Variants in CFAP61 observed in about 807,000 individuals in gnomAD.
The protein encoded by CFAP61 is cilia- and flagella-associated protein 61.
Under a neutral mutation model 135.6 loss-of-function variants are expected in CFAP61, and 107 were observed. The ratio of observed to expected loss-of-function variants is 0.79; its 90% CI spans 0.67 to 0.93. CFAP61 has a LOEUF of 0.93. CFAP61 is among the 40% of genes least tolerant of loss of function. CFAP61 has a pLI of 0.00. For missense variants in CFAP61, 1,507 were observed against 1,556.2 expected (o/e 0.97, Z 0.53); for synonymous variants, 575 against 578.5 (o/e 0.99, Z 0.09).
In CFAP61 at chr20:20,288,737, A is replaced by T. The variant is rs779696494; in HGVS notation, c.2925A>T (p.Arg975Ser). 6.2e-7 allele frequency: 1 copy of T among 1,613,710 alleles called. No individual in the cohort carries two copies. The highest frequency in any genetic ancestry group is 8.5e-7 in the Non-Finnish European group (1 of 1,179,576). ...TNFHTNDIAI[R>S]AAGSLTKFSN... is the part of the protein sequence containing the mutation. Reference sequence around the variant, plus strand: ...TCCACACCAACGACATAGCCATCAGAGCTGCTGGCTCCCTCACCAAATTCT... The same window carrying T: ...TCCACACCAACGACATAGCCATCAGTGCTGCTGGCTCCCTCACCAAATTCT... The change falls in exon 23 of 27, where the codon AGA (arginine) becomes AGT (serine). Residue 975 changes from arginine (R) to serine (S), a missense_variant. Physicochemically the swap from Arg to Ser is moderately radical, Grantham distance 110 (BLOSUM62 -1). Coordinates refer to ENST00000245957, the MANE Select transcript of CFAP61 (RefSeq NM_015585.4).
rs776017433 is a variant in CFAP61 at position 20,228,276 on chromosome 20, A to G, written c.1960A>G (p.Arg654Gly). 1.7e-5 allele frequency: 28 copies of G among 1,611,136 alleles called. No homozygotes were observed. The highest frequency in any genetic ancestry group is 3.3e-5 in the Admixed American group (2 of 59,990). Residue 654 changes from arginine (R) to glycine (G), a missense_variant, in exon 18 of 27, where the codon AGA (arginine) becomes GGA (glycine). Coordinates refer to ENST00000245957, the MANE Select transcript of CFAP61 (RefSeq NM_015585.4). ...GAGTTATGCTTTAAACCATACAAACAGAAAACTAACATTGGAACCTAAAAT... is the reference window on the plus strand; with the variant it reads ...GAGTTATGCTTTAAACCATACAAACGGAAAACTAACATTGGAACCTAAAAT... ...PMSYALNHTNRKLTLEPKITV... is the reference protein window; with the variant it reads ...PMSYALNHTNGKLTLEPKITV...
intron 13 of CFAP61, among the ~76,000 whole-genome samples, chr20:20,181,214 C>CATATATATGCATATAT (rs71939376): frequency 6.9e-6 from 1 of 144,986 alleles, no homozygotes. Flanking sequence ...TGTATATATA[C>CATATATATGCATATAT]ATATGTGTAT....
chr20:20,327,919 T>A (rs1305737311), intron 25 of CFAP61, among the ~76,000 whole-genome samples: 1 of 151,296 alleles, frequency 6.6e-6, no homozygotes, highest in Non-Finnish European at 1.5e-5. Flanking sequence ...GGGTGATCAC[T>A]CATAATGATG....
chr20:20,279,393 T>G (rs80132922), intron 22 of CFAP61, among the ~76,000 whole-genome samples: 1,689 of 152,292 alleles, frequency 0.011, 41 homozygotes, highest in African/African-American at 0.039. Flanking sequence ...ATTTTGTATT[T>G]TATATGTATT....
Position 20,070,909 on chromosome 20 carries a change from CA to C in CFAP61, c.200del (p.Gln67ArgfsTer34). 1 of 1,614,098 alleles carries C rather than the reference CA, an allele frequency of 6.2e-7. No individual in the cohort carries two copies. The highest frequency in any genetic ancestry group is 8.5e-7 in the Non-Finnish European group (1 of 1,179,988). On this transcript the variant is annotated frameshift_variant, in exon 3 of 27. Transcript: ENST00000245957. LOFTEE classifies it high-confidence loss of function. ...CAATGACAAGGAGGAGATCATGGCCCAGGCCACCTTCCTGGACTACCCCAAC... is the reference window on the plus strand; with the variant it reads ...CAATGACAAGGAGGAGATCATGGCCCGGCCACCTTCCTGGACTACCCCAAC... The part of the protein sequence containing the change: ...LCNDKEEIMA[Q>X]ATFLDYPNWN...
chr20:20,148,180 T>C (rs2052064195), intron 9 of CFAP61, among the ~76,000 whole-genome samples: 1 of 152,244 alleles, frequency 6.6e-6, no homozygotes, highest in African/African-American at 2.4e-5. Context: ...TGAAGTCAGG[T>C]AATGAGATGC....
At chr20:20,337,214 C>T (rs1227849934) in intron 25 of CFAP61, among the ~76,000 whole-genome samples, 2 of 151,970 alleles carry the variant, frequency 1.3e-5, no homozygotes, top group Admixed American at 1.3e-4. Context: ...TTTAGGAAGG[C>T]CTCACTAGAC....
rs1602193375 is a variant in CFAP61 at position 20,357,859 on chromosome 20, G to A, written c.3514-2351G>A. Among the ~76,000 whole-genome samples, 11 of 144,374 alleles carry A rather than the reference G, an allele frequency of 7.6e-5. No homozygotes were observed. The South Asian group carries it at 1.1e-3, about 15-fold the overall frequency. The allele number at this position is 144,374 out of a possible 152,430, so 94.7% of individuals were successfully genotyped here. A position where few individuals can be genotyped will look rare whatever the true frequency, so the allele number is the denominator to read the frequency against. On this transcript the variant is annotated intron_variant, in intron 26 of 26. Transcript: ENST00000245957. Reference sequence around the variant, plus strand: ...TGAGGGGAGGTGGTCACAGTGTGAGGGGAGGTGGTCACACTGAGGGGAGGT... The same window carrying A: ...TGAGGGGAGGTGGTCACAGTGTGAGAGGAGGTGGTCACACTGAGGGGAGGT...
chr20:20,077,427 A>C (rs2046131563), intron 6 of CFAP61, among the ~76,000 whole-genome samples: 1 of 152,222 alleles, frequency 6.6e-6, no homozygotes. Flanking sequence ...GGAGATCATG[A>C]CACAGGCTGG....
intron 25 of CFAP61, among the ~76,000 whole-genome samples, chr20:20,302,717 T>A (rs1316777459): frequency 1.3e-5 from 2 of 152,196 alleles, no homozygotes; most frequent in East Asian, 3.8e-4. Flanking sequence ...CCTTGCCCCA[T>A]TCTTAATTTG....
intron 26 of CFAP61, among the ~76,000 whole-genome samples, chr20:20,344,206 C>T (rs2058552644): frequency 6.6e-6 from 1 of 152,202 alleles, no homozygotes; most frequent in Non-Finnish European, 1.5e-5. Flanking sequence ...TCCTGCAGAA[C>T]CGTGGCCAGC....
intron 2 of CFAP61, among the ~76,000 whole-genome samples, chr20:20,058,886 G>A (rs770174097): frequency 3.9e-5 from 6 of 152,106 alleles, no homozygotes; most frequent in Non-Finnish European, 8.8e-5. Context: ...GTCAAAAATC[G>A]TAAACACACA....
chr20:20,094,549 C>A (rs191695071), intron 7 of CFAP61: 1 of 152,302 alleles, frequency 6.6e-6, no homozygotes, highest in Admixed American at 6.5e-5. Flanking sequence ...TCTTCCCCCA[C>A]GTTCTTTCTC....
chr20:20,356,081 AGAGATGGTCACACTGTGAGGG>A (rs1434108018), intron 26 of CFAP61, among the ~76,000 whole-genome samples: 2 of 95,448 alleles, frequency 2.1e-5, no homozygotes, highest in African/African-American at 4.0e-5. Flanking sequence ...CACTGTGAGC[AGAGATGGTCACACTGTGAGGG>A]GAGGTGGTCA....
intron 11 of CFAP61, among the ~76,000 whole-genome samples, chr20:20,164,880 T>G (rs1394370049): frequency 6.6e-6 from 1 of 152,218 alleles, no homozygotes; most frequent in Non-Finnish European, 1.5e-5. Flanking sequence ...AAGCCATGTC[T>G]TACATGGCGG....
intron 18 of CFAP61, among the ~76,000 whole-genome samples, chr20:20,245,170 CA>C (rs1234290057): frequency 6.6e-6 from 1 of 152,234 alleles, no homozygotes; most frequent in Non-Finnish European, 1.5e-5. Context: ...GCCTGTTACC[CA>C]GTTCCAAAGT....
intron 8 of CFAP61, among the ~76,000 whole-genome samples, chr20:20,113,966 CAAAAAAAAAAA>C (rs11456473): frequency 1.1e-5 from 1 of 94,572 alleles, no homozygotes; most frequent in Admixed American, 1.2e-4. Flanking sequence ...CATGAGAGCT[CAAAAAAAAAAA>C]AAAAAAAAAG....
chr20:20,227,878 T>C (rs538940573), intron 17 of CFAP61, among the ~76,000 whole-genome samples: 2 of 152,322 alleles, frequency 1.3e-5, no homozygotes, highest in Admixed American at 6.5e-5. Context: ...AAGAAAAGAC[T>C]TGGGACCTTT....
intron 9 of CFAP61, among the ~76,000 whole-genome samples, chr20:20,154,546 A>G (rs933630282): frequency 2.0e-5 from 3 of 152,292 alleles, no homozygotes; most frequent in African/African-American, 7.2e-5. Flanking sequence ...TAGCACTGCT[A>G]TACACCAACA....
Sources: gnomAD v4.1 joint callset for allele counts (sites outside exome capture counted in the v4.1 genomes callset) on GRCh38, gnomAD v4.1.1 for gene constraint, MANE v1.5 for transcripts, NCBI Gene and HGNC (gene_info 2026-07-23, HGNC 2026-07-21) for gene names.